Variants in TNFRSF19 observed in about 807,000 individuals in gnomAD.
The protein encoded by TNFRSF19 is TNF receptor superfamily member 19, also known as tumor necrosis factor receptor superfamily member 19.
In TNFRSF19, 27 loss-of-function variants were observed where a neutral mutation model predicts 46.4. That is an observed-to-expected ratio of 0.58 (90% CI 0.43 to 0.80). The LOEUF (loss-of-function observed/expected upper bound fraction) is 0.80, where lower values mean the gene tolerates loss of function less well. Among genes scored for constraint, TNFRSF19 ranks in the 30% least tolerant of loss-of-function variants. The pLI, the probability that TNFRSF19 is intolerant of heterozygous loss-of-function variation, is 0.00. For synonymous variants in TNFRSF19, 204 were observed against 205.0 expected (o/e 1.00, Z 0.04); for missense variants, 511 against 530.8 (o/e 0.96, Z 0.37).
chr13:23,591,216 GC>G (rs1014934183), intron 2 of TNFRSF19, among the ~76,000 whole-genome samples: 1 of 152,200 alleles, frequency 6.6e-6, no homozygotes, highest in Non-Finnish European at 1.5e-5. Flanking sequence ...ACTTTGGGAG[GC>G]CGAGGCAGGT....
intron 7 of TNFRSF19, among the ~76,000 whole-genome samples, chr13:23,664,735 C>G (rs1032883612): frequency 6.6e-6 from 1 of 152,170 alleles, no homozygotes; most frequent in Admixed American, 6.5e-5. Flanking sequence ...CTATGCAAAC[C>G]TTGTAGAGTG....
chr13:23,581,738 C>G (rs1878451300), intron 1 of TNFRSF19, among the ~76,000 whole-genome samples: 1 of 152,152 alleles, frequency 6.6e-6, no homozygotes, highest in African/African-American at 2.4e-5. Flanking sequence ...GAATTTGAGT[C>G]TCTTTTTTCA....
intron 3 of TNFRSF19, among the ~76,000 whole-genome samples, chr13:23,607,336 A>G (rs1228930298): frequency 6.6e-6 from 1 of 152,150 alleles, no homozygotes; most frequent in Non-Finnish European, 1.5e-5. Context: ...CAGGAGGCTG[A>G]GGCAGGAGAA....
At chr13:23,590,337 A>AT in intron 2 of TNFRSF19, 85 bp downstream of exon 2, 1 of 826,110 alleles carries the variant, frequency 1.2e-6, no homozygotes, top group Non-Finnish European at 1.8e-6. Flanking sequence ...AAATCATTTT[A>AT]TTTTTTATTT....
chr13:23,616,144 TTAACC>T, intron 4 of TNFRSF19, 99 bp downstream of exon 4: 1 of 1,258,516 alleles, frequency 7.9e-7, no homozygotes, highest in Non-Finnish European at 1.1e-6. Context: ...CATGCTGGTA[TTAACC>T]TGAAGATGCT....
At chr13:23,650,403 T>C (rs995842984) in intron 5 of TNFRSF19, among the ~76,000 whole-genome samples, 3 of 152,220 alleles carry the variant, frequency 2.0e-5, no homozygotes, top group African/African-American at 7.2e-5. Flanking sequence ...TGGAATATTA[T>C]TCAGTCATTA....
intron 3 of TNFRSF19, among the ~76,000 whole-genome samples, chr13:23,600,287 A>G (rs1355692446): frequency 6.6e-6 from 1 of 152,198 alleles, no homozygotes; most frequent in African/African-American, 2.4e-5. Flanking sequence ...CTGCAAGAGA[A>G]GTGAGGTCGC....
Position 23,673,369 on chromosome 13 carries a change from T to TA in TNFRSF19, c.1246-2dup, listed in dbSNP as rs1316308230. 6.2e-7 allele frequency: 1 copy of TA among 1,604,588 alleles called. No homozygotes were observed. The highest frequency in any genetic ancestry group is 1.7e-5 in the Admixed American group (1 of 59,014). ...TAAAGCTTCCTTTCTGTTGCTGTTT[T>TA]AGGAAGCTTAAAGAACCTGCTTCTT... On this transcript the variant is annotated splice_polypyrimidine_tract_variant and splice_region_variant and intron_variant, in intron 9 of 9. Transcript: ENST00000248484.
chr13:23,674,082 G>C lies in TNFRSF19; in HGVS notation c.*702G>C, dbSNP rs562588121. ...ACCCGCTGATCTCAGGAGAACACCTGGGCTAGGGAATGTGGTCGAGAAAGG... is the reference window on the plus strand; with the variant it reads ...ACCCGCTGATCTCAGGAGAACACCTCGGCTAGGGAATGTGGTCGAGAAAGG... On this transcript the variant is annotated 3_prime_UTR_variant, in exon 10 of 10. Transcript: ENST00000248484. 1 of 152,156 alleles carries C rather than the reference G, an allele frequency of 6.6e-6. No individual in the cohort carries two copies. The highest frequency in any genetic ancestry group is 2.1e-4 in the South Asian group (1 of 4,824). The allele number at this position is 152,156 out of a possible 1,614,324, so 9.4% of individuals were successfully genotyped here.
chr13:23,636,049 G>T (rs986387514), intron 5 of TNFRSF19, among the ~76,000 whole-genome samples: 1 of 152,128 alleles, frequency 6.6e-6, no homozygotes, highest in Non-Finnish European at 1.5e-5. Flanking sequence ...CCTCAGAGGG[G>T]TCCGTTAGTG....
intron 3 of TNFRSF19, among the ~76,000 whole-genome samples, chr13:23,602,574 G>C (rs9550990): frequency 0.26 from 39,417 of 151,918 alleles, 5,644 homozygotes; most frequent in African/African-American, 0.38. Context: ...TTCTTAAGCT[G>C]TCATGGAAAA....
chr13:23,593,280 C>T (rs1879446655), intron 2 of TNFRSF19, 65 bp from the exon 3 acceptor site: 18 of 970,078 alleles, frequency 1.9e-5, no homozygotes, highest in South Asian at 3.4e-5. Flanking sequence ...AATATTGTTC[C>T]TTTCTTGCAA....
chr13:23,626,918 T>C, intron 5 of TNFRSF19, 126 bp downstream of exon 5: 1 of 789,242 alleles, frequency 1.3e-6, no homozygotes, highest in Non-Finnish European at 2.0e-6. Flanking sequence ...GTACAGTGTG[T>C]CCTCTTTAAT....
chr13:23,579,217 G>T (rs1878188788), intron 1 of TNFRSF19: 1 of 152,468 alleles, frequency 6.6e-6, no homozygotes, highest in Admixed American at 6.5e-5. Context: ...CAGCTGCAGA[G>T]CAAGTCCGGC....
Position 23,590,244 on chromosome 13 carries a change from G to C in TNFRSF19, c.61G>C (p.Gly21Arg), listed in dbSNP as rs149183306. The change falls in exon 2 of 10, where the codon GGC becomes CGC. Residue 21 changes from glycine to arginine, a missense_variant. By Grantham distance (125) the Gly-to-Arg change is moderately radical. This residue lies in a region of TNFRSF19 where 121 missense variants were observed against 124.1 expected (regional missense o/e 0.98). Coordinates refer to ENST00000248484, the MANE Select transcript of TNFRSF19 (RefSeq NM_148957.4). ...GTTTTTCACTCTTTTAGTATTACTA[G>C]GCTATTTGGTAAGTAAAGTCCTTTT... Reference protein sequence around the residue: ...KTFFTLLVLLGYLSCKVTCES... With the variant: ...KTFFTLLVLLRYLSCKVTCES... 1 of 1,583,410 alleles carries C rather than the reference G, an allele frequency of 6.3e-7. No homozygotes were observed. The highest frequency in any genetic ancestry group is 2.3e-5 in the East Asian group (1 of 43,774).
intron 5 of TNFRSF19, among the ~76,000 whole-genome samples, chr13:23,640,234 T>A (rs1882952346): frequency 6.6e-6 from 1 of 152,194 alleles, no homozygotes; most frequent in African/African-American, 2.4e-5. Flanking sequence ...GTCCCGTATC[T>A]CCACACACCA....
chr13:23,609,280 C>T lies in TNFRSF19; in HGVS notation c.181-6587C>T, dbSNP rs575220266. On this transcript the variant is annotated intron_variant, in intron 3 of 9. Transcript: ENST00000248484. ...ATTTCAGAGTCAAAAAATACAAAAG[C>T]TTGTTCTGGGCGCCCCATAAGTAGT... Among the ~76,000 whole-genome samples the T allele has an allele frequency of 2.5e-4, 38 of 152,198 alleles. No individual in the cohort carries two copies. The South Asian group carries it at 6.6e-3, about 27-fold the overall frequency.
At chr13:23,599,824 T>C (rs1279954567) in intron 3 of TNFRSF19, among the ~76,000 whole-genome samples, 3 of 151,942 alleles carry the variant, frequency 2.0e-5, no homozygotes, top group Non-Finnish European at 4.4e-5. Flanking sequence ...ATGAGGCATG[T>C]CTGGCGCCCC....
intron 5 of TNFRSF19, among the ~76,000 whole-genome samples, chr13:23,655,233 A>G (rs1396270064): frequency 1.3e-5 from 2 of 152,230 alleles, no homozygotes; most frequent in African/African-American, 4.8e-5. Flanking sequence ...ATAGACACTC[A>G]GGACATAATT....
Sources: gnomAD v4.1 joint callset for allele counts (sites outside exome capture counted in the v4.1 genomes callset) on GRCh38, gnomAD v4.1.1 for gene constraint, gnomAD v4.1.1 regional missense constraint, MANE v1.5 for transcripts, NCBI Gene and HGNC (gene_info 2026-07-23, HGNC 2026-07-21) for gene names.